Variants in DCC observed in about 807,000 individuals in gnomAD.
The protein encoded by DCC is DCC netrin 1 receptor, also known as netrin receptor DCC.
A neutral mutation model predicts 172.5 loss-of-function variants in DCC; 58 were observed. That is an observed-to-expected ratio of 0.34 (90% CI 0.27 to 0.42). The LOEUF (loss-of-function observed/expected upper bound fraction) is 0.42, where lower values mean the gene tolerates loss of function less well. Ranked by LOEUF, DCC falls within the 10% of genes least tolerant of loss-of-function variation. The pLI is 1.00. For missense variants in DCC, 1,740 were observed against 1,791.0 expected (o/e 0.97, Z 0.51); for synonymous variants, 709 against 644.5 (o/e 1.10, Z -1.52).
At chr18:53,040,331 A>T (rs1464081146) in intron 5 of DCC, among the ~76,000 whole-genome samples, 4 of 151,996 alleles carry the variant, frequency 2.6e-5, no homozygotes, top group Non-Finnish European at 5.9e-5. Context: ...TGATAATGCC[A>T]GGATTTGGAG....
chr18:52,939,264 C>T (rs1159669023), intron 5 of DCC, among the ~76,000 whole-genome samples: 3 of 152,206 alleles, frequency 2.0e-5, no homozygotes, highest in African/African-American at 2.4e-5. Context: ...TTGTGGCTGA[C>T]TCTTCGACTG....
intron 5 of DCC, among the ~76,000 whole-genome samples, chr18:53,036,447 A>G (rs1599052708): frequency 6.6e-6 from 1 of 152,144 alleles, no homozygotes; most frequent in East Asian, 1.9e-4. Flanking sequence ...CAGTTACATT[A>G]ATTCACCTCT....
At chr18:52,420,589 C>T (rs192496403) in intron 1 of DCC, among the ~76,000 whole-genome samples, 10 of 147,626 alleles carry the variant, frequency 6.8e-5, no homozygotes, top group South Asian at 2.2e-4. Context: ...GAAATGAACA[C>T]GTGAAATCAA....
intron 8 of DCC, among the ~76,000 whole-genome samples, chr18:53,175,027 C>A (rs561799210): frequency 2.6e-5 from 4 of 151,256 alleles, no homozygotes; most frequent in African/African-American, 9.7e-5. Context: ...TCAATATACG[C>A]AAATCAATAA....
At chr18:53,490,567 G>A (rs925776754) in intron 26 of DCC, among the ~76,000 whole-genome samples, 1 of 152,138 alleles carries the variant, frequency 6.6e-6, no homozygotes, top group African/African-American at 2.4e-5. Flanking sequence ...CAAGTGCCTT[G>A]CTAGCATGTA....
At chr18:52,664,174 A>G (rs945479647) in intron 1 of DCC, among the ~76,000 whole-genome samples, 6 of 152,216 alleles carry the variant, frequency 3.9e-5, no homozygotes, top group African/African-American at 9.7e-5. Context: ...TAAAGAAAAG[A>G]AAGAGAACTT....
chr18:53,225,586 T>G (rs1426856552), intron 12 of DCC, among the ~76,000 whole-genome samples: 1 of 151,918 alleles, frequency 6.6e-6, no homozygotes, highest in African/African-American at 2.4e-5. Context: ...AGACGATAAG[T>G]GTAAGTAAAG....
intron 1 of DCC, among the ~76,000 whole-genome samples, chr18:52,489,089 C>A (rs142085651): frequency 6.6e-6 from 1 of 152,044 alleles, no homozygotes; most frequent in South Asian, 2.1e-4. Context: ...GTTTCTCAAA[C>A]ATTAATGTGA....
At chr18:53,188,848 A>C (rs565974413) in intron 9 of DCC, among the ~76,000 whole-genome samples, 5 of 152,154 alleles carry the variant, frequency 3.3e-5, no homozygotes, top group African/African-American at 4.8e-5. Flanking sequence ...GCATAATTTC[A>C]GTCTCTGCCT....
chr18:53,078,134 G>A (rs28629395), intron 7 of DCC, among the ~76,000 whole-genome samples: 103,504 of 151,976 alleles, frequency 0.68, 37,161 homozygotes, highest in African/African-American at 0.9. Context: ...AAATATATAA[G>A]GAATCACAAA....
At chr18:53,378,428 A>T (rs966393576) in intron 15 of DCC, among the ~76,000 whole-genome samples, 1 of 152,024 alleles carries the variant, frequency 6.6e-6, no homozygotes, top group Admixed American at 6.5e-5. Flanking sequence ...TGAATGAACA[A>T]ATGGAAGGAT....
At chr18:52,976,475 C>G (rs1324723424) in intron 5 of DCC, among the ~76,000 whole-genome samples, 1 of 151,994 alleles carries the variant, frequency 6.6e-6, no homozygotes, top group Non-Finnish European at 1.5e-5. Flanking sequence ...ACTCGTTATC[C>G]TTCATTTAAC....
intron 8 of DCC, among the ~76,000 whole-genome samples, chr18:53,175,666 T>G (rs897019073): frequency 7.2e-5 from 11 of 151,982 alleles, no homozygotes; most frequent in South Asian, 4.2e-4. Flanking sequence ...CACTGCTCAA[T>G]GAAATCAAAG....
At chr18:52,875,943 G>T (rs574584916) in intron 2 of DCC, among the ~76,000 whole-genome samples, 41 of 152,180 alleles carry the variant, frequency 2.7e-4, no homozygotes, top group African/African-American at 8.2e-4. Context: ...AACTCATAAT[G>T]ACTTGTTTGA....
intron 5 of DCC, among the ~76,000 whole-genome samples, chr18:53,052,937 G>A: frequency 6.6e-6 from 1 of 152,082 alleles, no homozygotes; most frequent in Non-Finnish European, 1.5e-5. Flanking sequence ...GAGGTCAGGA[G>A]TTTGAGACCA....
chr18:53,129,988 A>G (rs2043626659), intron 7 of DCC, among the ~76,000 whole-genome samples: 2 of 151,926 alleles, frequency 1.3e-5, no homozygotes, highest in Admixed American at 1.3e-4. Flanking sequence ...TGAGAAGCCT[A>G]TTCATCTTCA....
At chr18:53,131,542 C>G (rs1251000018) in intron 7 of DCC, among the ~76,000 whole-genome samples, 1 of 152,092 alleles carries the variant, frequency 6.6e-6, no homozygotes, top group Admixed American at 6.6e-5. Context: ...CTTTGATGAC[C>G]TGGCTTTGTG....
At chr18:52,436,054 G>C (rs541847407) in intron 1 of DCC, among the ~76,000 whole-genome samples, 1 of 152,256 alleles carries the variant, frequency 6.6e-6, no homozygotes, top group Admixed American at 6.5e-5. Context: ...ATCACACACG[G>C]ATCCCTCTGC....
At chr18:53,299,174 C>T (rs1032743370) in intron 12 of DCC, among the ~76,000 whole-genome samples, 7 of 152,130 alleles carry the variant, frequency 4.6e-5, no homozygotes, top group Non-Finnish European at 1.0e-4. Flanking sequence ...AATAGATGGG[C>T]TTGTGTGTAT....
Sources: allele counts gnomAD v4.1 joint callset (sites outside exome capture counted in the v4.1 genomes callset), GRCh38; gene constraint gnomAD v4.1.1; transcripts MANE v1.5; gene names NCBI Gene and HGNC (gene_info 2026-07-23, HGNC 2026-07-21).